The following AOPEP variants were observed in gnomAD, a reference collection of about 807,000 sequenced individuals.
The protein encoded by AOPEP is aminopeptidase O.
AOPEP carries 77 observed loss-of-function variants against 98.1 expected under a neutral mutation model. The observed-to-expected ratio is 0.78, with a 90% CI of 0.65 to 0.95. The LOEUF is 0.95. Among genes scored for constraint, AOPEP ranks in the 40% least tolerant of loss-of-function variants. The pLI, the probability that AOPEP is intolerant of heterozygous loss-of-function variation, is 0.00. For synonymous variants in AOPEP, 346 were observed against 365.3 expected (o/e 0.95, Z 0.60); for missense variants, 1,024 against 1,024.7 (o/e 1.00, Z 0.01).
intron 5 of AOPEP, among the ~76,000 whole-genome samples, chr9:94,885,348 C>CAAAAAAAAAAAAAAAAAAAAAAAAAA (rs71366268): frequency 8.3e-5 from 3 of 35,952 alleles, no homozygotes; most frequent in Non-Finnish European, 1.0e-4. Flanking sequence ...GATCCTGTCT[C>CAAAAAAAAAAAAAAAAAAAAAAAAAA]AAAAAAAAAA....
chr9:94,894,612 G>C (rs1472192358), intron 5 of AOPEP, among the ~76,000 whole-genome samples: 1 of 152,186 alleles, frequency 6.6e-6, no homozygotes, highest in Non-Finnish European at 1.5e-5. Context: ...TCTTTCATAA[G>C]TGAATTTGCT....
intron 13 of AOPEP, among the ~76,000 whole-genome samples, chr9:95,012,976 T>A (rs1372504849): frequency 8.6e-6 from 1 of 116,512 alleles, no homozygotes; most frequent in Non-Finnish European, 1.7e-5. Flanking sequence ...AGAGTTTTCC[T>A]GTTTTTTTTT....
intron 5 of AOPEP, among the ~76,000 whole-genome samples, chr9:94,815,834 A>G (rs1241285859): frequency 6.6e-6 from 1 of 152,122 alleles, no homozygotes; most frequent in Non-Finnish European, 1.5e-5. Context: ...TGTTTGCCAC[A>G]CTGGGTCCTT....
At chr9:95,028,334 G>T (rs2064011541) in intron 13 of AOPEP, among the ~76,000 whole-genome samples, 1 of 152,226 alleles carries the variant, frequency 6.6e-6, no homozygotes, top group Admixed American at 6.5e-5. Context: ...TGGGTGCTTT[G>T]TGATCGGGGT....
At chr9:95,021,526 A>G (rs2063455581) in intron 13 of AOPEP, among the ~76,000 whole-genome samples, 1 of 152,250 alleles carries the variant, frequency 6.6e-6, no homozygotes, top group Non-Finnish European at 1.5e-5. Context: ...AGATTATCAT[A>G]AGACAAATTT....
chr9:94,801,573 A>T (rs1474769935), intron 5 of AOPEP, among the ~76,000 whole-genome samples: 3 of 152,230 alleles, frequency 2.0e-5, no homozygotes. Context: ...GGGTTGGAGG[A>T]GGAGTCACGT....
intron 1 of AOPEP, among the ~76,000 whole-genome samples, chr9:94,747,481 A>G (rs1432831986): frequency 2.0e-5 from 3 of 152,224 alleles, no homozygotes; most frequent in African/African-American, 7.2e-5. Context: ...GTTAGAACAT[A>G]TAGCTCAATG....
chr9:95,010,040 C>T (rs2062376874), intron 13 of AOPEP, among the ~76,000 whole-genome samples: 1 of 151,890 alleles, frequency 6.6e-6, no homozygotes, highest in Non-Finnish European at 1.5e-5. Context: ...TGACTCTGAA[C>T]CAAAATCAGT....
intron 13 of AOPEP, chr9:95,048,890 A>C (rs73657045): frequency 2.0e-5 from 3 of 152,328 alleles, no homozygotes; most frequent in Non-Finnish European, 2.9e-5. Flanking sequence ...ACGAAGGACA[A>C]ATCCAGCAGG....
At chr9:94,735,145 C>T (rs1831427656) in intron 1 of AOPEP, among the ~76,000 whole-genome samples, 1 of 152,204 alleles carries the variant, frequency 6.6e-6, no homozygotes, top group Non-Finnish European at 1.5e-5. Flanking sequence ...TTCAGAAACA[C>T]TAGATACATA....
intron 3 of AOPEP, among the ~76,000 whole-genome samples, chr9:94,785,954 G>A (rs1296257861): frequency 6.6e-6 from 1 of 152,194 alleles, no homozygotes; most frequent in African/African-American, 2.4e-5. Flanking sequence ...GCTTTGTGTG[G>A]ACTGTGTTTT....
intron 1 of AOPEP, among the ~76,000 whole-genome samples, chr9:94,738,432 G>C (rs1832262734): frequency 6.6e-6 from 1 of 152,142 alleles, no homozygotes. Flanking sequence ...TTTGTGTAGT[G>C]GGAGTTCTCT....
intron 11 of AOPEP, among the ~76,000 whole-genome samples, chr9:95,001,871 G>A (rs377220609): frequency 4.0e-5 from 6 of 151,812 alleles, no homozygotes; most frequent in African/African-American, 9.7e-5. Flanking sequence ...TCTGCCTCCC[G>A]GGCTCAAGTG....
chr9:95,071,722 G>C (rs748172860), intron 14 of AOPEP, among the ~76,000 whole-genome samples: 4 of 152,160 alleles, frequency 2.6e-5, no homozygotes, highest in Non-Finnish European at 4.4e-5. Flanking sequence ...CGTGCCTGTA[G>C]CCATGTCTGC....
the AOPEP span, among the ~76,000 whole-genome samples, chr9:95,128,178 G>T: frequency 6.6e-6 from 1 of 152,092 alleles, no homozygotes; most frequent in South Asian, 2.1e-4. Context: ...AGAGGTCACC[G>T]GATATAAGCA....
intron 5 of AOPEP, among the ~76,000 whole-genome samples, chr9:94,889,658 G>A (rs2048645973): frequency 1.3e-5 from 2 of 152,120 alleles, no homozygotes; most frequent in Non-Finnish European, 2.9e-5. Context: ...TGGTCATCAT[G>A]TACAAATTTC....
chr9:95,061,559 G>A lies in AOPEP; in HGVS notation c.2232+749G>A, dbSNP rs576716452. ...CAGCTATTTTGAGTTGAGATGTGCT[G>A]TAAGTATAAAATGCACAATGAATAG... On this transcript the variant is annotated intron_variant, in intron 14 of 16. Transcript: ENST00000375315. Among the ~76,000 whole-genome samples, 3 of 152,322 alleles carry A rather than the reference G, an allele frequency of 2.0e-5. No individual in the cohort carries two copies. The South Asian group carries it at 6.2e-4, about 32-fold the overall frequency.
the AOPEP span, among the ~76,000 whole-genome samples, chr9:95,113,555 A>G: frequency 6.6e-6 from 1 of 151,944 alleles, no homozygotes; most frequent in Non-Finnish European, 1.5e-5. Flanking sequence ...GCACGACGGG[A>G]GGCCAAGGCA....
At chr9:95,022,645 G>GTTT (rs10659843) in intron 13 of AOPEP, among the ~76,000 whole-genome samples, 82 of 150,654 alleles carry the variant, frequency 5.4e-4, no homozygotes, top group Admixed American at 5.9e-4. Context: ...GGCCTATTTT[G>GTTT]TTTTTTTTTA....
Sources: allele counts gnomAD v4.1 joint callset (sites outside exome capture counted in the v4.1 genomes callset), GRCh38; gene constraint gnomAD v4.1.1; transcripts MANE v1.5; gene names NCBI Gene and HGNC (gene_info 2026-07-23, HGNC 2026-07-21).